CLEC2A: variants seen among roughly 807,000 people sequenced by gnomAD.
The protein encoded by CLEC2A is keratinocyte-associated C-type lectin.
CLEC2A carries 19 observed loss-of-function variants against 18.6 expected under a neutral mutation model. The ratio of observed to expected loss-of-function variants is 1.02; its 90% CI spans 0.71 to 1.50. The LOEUF is 1.50. Ranked by LOEUF, CLEC2A falls within the 40% of genes most tolerant of loss-of-function variation. CLEC2A has a pLI of 0.00. For synonymous variants in CLEC2A, 74 were observed against 64.0 expected (o/e 1.16, Z -0.75); for missense variants, 190 against 207.9 (o/e 0.91, Z 0.53).
intron 1 of CLEC2A, among the ~76,000 whole-genome samples, chr12:9,927,834 T>C (rs995526493): frequency 6.8e-6 from 1 of 147,170 alleles, no homozygotes; most frequent in African/African-American, 2.5e-5. Flanking sequence ...ATAAAATGTG[T>C]TTTTTTTTTC....
At chr12:9,896,791 C>T (rs1027113963), downstream of CLEC2A, among the ~76,000 whole-genome samples, 1 of 151,938 alleles carries the variant, frequency 6.6e-6, no homozygotes. Flanking sequence ...CCAAATATGT[C>T]CTTATGTTCT....
chr12:9,889,242 G>A, the CLEC2A span, among the ~76,000 whole-genome samples: 1 of 152,184 alleles, frequency 6.6e-6, no homozygotes, highest in Admixed American at 6.5e-5. Flanking sequence ...TAATAACTGT[G>A]TCACAGAATA....
chr12:9,884,839 C>G, the CLEC2A span: 1 of 415,482 alleles, frequency 2.4e-6, no homozygotes, highest in African/African-American at 2.1e-5. Context: ...AATGACATAT[C>G]TAAAATGAAC....
chr12:9,893,412 C>A, the CLEC2A span: 4 of 1,138,536 alleles, frequency 3.5e-6, no homozygotes, highest in Middle Eastern at 1.9e-4. Flanking sequence ...TGAATAAATG[C>A]ACTATTTCTT....
chr12:9,890,733 G>A, the CLEC2A span, among the ~76,000 whole-genome samples: 13 of 152,064 alleles, frequency 8.5e-5, no homozygotes, highest in African/African-American at 1.5e-4. Context: ...TCAAAATCCC[G>A]TCATCTTGCT....
the CLEC2A span, chr12:9,885,128 C>T: frequency 5.2e-6 from 2 of 385,382 alleles, no homozygotes; most frequent in Non-Finnish European, 9.0e-6. Context: ...CACTGTAGTC[C>T]AAAACTGGCA....
In CLEC2A at chr12:9,898,953, C is replaced by T. The variant is rs1376399667; in HGVS notation, c.434G>A (p.Cys145Tyr). The T allele has an allele frequency of 4.2e-6, 3 of 716,018 alleles. No homozygotes were observed. In the South Asian group the frequency reaches 4.4e-5, roughly 11 times the overall value. The allele number at this position is 716,018 out of a possible 1,614,324, so 44.4% of individuals were successfully genotyped here. ...AAGCCATTGTCGGAGGCTCCAGTTG[C>T]AAGACCATTTGGAGTTTGATGGCCT... is the stretch of plus-strand genomic sequence containing the variant. The change falls in exon 5 of 5, where the codon TGC (cysteine) becomes TAC (tyrosine). Residue 145 changes from cysteine to tyrosine, a missense_variant. Coordinates refer to the CLEC2A transcript ENST00000339766.
the CLEC2A span, chr12:9,884,915 C>G: frequency 4.6e-6 from 4 of 862,290 alleles, no homozygotes; most frequent in Non-Finnish European, 6.5e-6. Context: ...CACAAGAATT[C>G]TAAAATTCAA....
intron 1 of CLEC2A, among the ~76,000 whole-genome samples, chr12:9,927,601 TTC>T (rs1469873441): frequency 6.6e-6 from 1 of 152,288 alleles, no homozygotes; most frequent in East Asian, 1.9e-4. Flanking sequence ...AAGTCATGTT[TTC>T]TCTCTTTCTT....
At chr12:9,931,011 T>A (rs906562035) in intron 1 of CLEC2A, among the ~76,000 whole-genome samples, 1 of 152,134 alleles carries the variant, frequency 6.6e-6, no homozygotes, top group South Asian at 2.1e-4. Flanking sequence ...TTCATTAATA[T>A]CTTTTCTTTT....
the CLEC2A span, among the ~76,000 whole-genome samples, chr12:9,880,462 G>A: frequency 8.6e-5 from 13 of 152,042 alleles, no homozygotes; most frequent in South Asian, 2.1e-3. Context: ...CCAGACACTC[G>A]GTGTTAAATC....
intron 4 of CLEC2A, among the ~76,000 whole-genome samples, chr12:9,906,266 T>C (rs1862906927): frequency 6.6e-6 from 1 of 152,122 alleles, no homozygotes; most frequent in Non-Finnish European, 1.5e-5. Flanking sequence ...TTCCTTTTCA[T>C]TGGGAGAGAT....
chr12:9,910,160 C>T (rs73255408), downstream of CLEC2A, among the ~76,000 whole-genome samples: 10,559 of 152,212 alleles, frequency 0.069, 613 homozygotes, highest in African/African-American at 0.16. Context: ...GATTGGCTCT[C>T]GAGCCCAAAT....
the CLEC2A span, among the ~76,000 whole-genome samples, chr12:9,890,176 G>A: frequency 6.6e-6 from 1 of 151,968 alleles, no homozygotes; most frequent in African/African-American, 2.4e-5. Context: ...ATAGCTAAAG[G>A]CTCGTTTTGC....
At chr12:9,891,163 A>G in the CLEC2A span, among the ~76,000 whole-genome samples, 10 of 152,024 alleles carry the variant, frequency 6.6e-5, no homozygotes, top group Non-Finnish European at 1.5e-4. Flanking sequence ...CTACAAAGAT[A>G]TTTTAGAAAC....
downstream of CLEC2A, chr12:9,895,852 A>G (rs2137007380): frequency 6.6e-6 from 10 of 1,511,672 alleles, no homozygotes; most frequent in Middle Eastern, 1.7e-4. Context: ...CCAAACATAG[A>G]AATACTTTGC....
chr12:9,916,818 A>G lies in CLEC2A; in HGVS notation c.307-15T>C, dbSNP rs887412391. The G allele has an allele frequency of 3.8e-5, 56 of 1,477,200 alleles. No individual in the cohort carries two copies. Among genetic ancestry groups the G allele is most frequent in the Non-Finnish European group, 4.7e-5 (51 of 1,079,204 alleles). The allele number at this position is 1,477,200 out of a possible 1,614,324, so 91.5% of individuals were successfully genotyped here. ...TTCAAAAATTCCTTTCACAAAACAA[A>G]GGGAATCAGCGATTACTTAATATGT... On this transcript the variant is annotated splice_polypyrimidine_tract_variant and intron_variant, in intron 3 of 4. Coordinates refer to ENST00000455827, the MANE Select transcript of CLEC2A (RefSeq NM_001130711.2).
chr12:9,897,667 G>A (rs569140668), downstream of CLEC2A, among the ~76,000 whole-genome samples: 3 of 151,986 alleles, frequency 2.0e-5, no homozygotes, highest in South Asian at 2.1e-4. Flanking sequence ...CCTCCTGCCC[G>A]CATAAGCTTT....
the CLEC2A span, among the ~76,000 whole-genome samples, chr12:9,880,541 T>C: frequency 6.6e-6 from 1 of 152,004 alleles, no homozygotes; most frequent in East Asian, 1.9e-4. Context: ...TGTGTGTGTG[T>C]GTGTGCGTGT....
Sources: allele counts gnomAD v4.1 joint callset (sites outside exome capture counted in the v4.1 genomes callset), GRCh38; gene constraint gnomAD v4.1.1; transcripts MANE v1.5; gene names NCBI Gene and HGNC (gene_info 2026-07-23, HGNC 2026-07-21).